SYT6: variants seen among roughly 807,000 people sequenced by gnomAD.
SYT6 encodes synaptotagmin-6.
In SYT6, 24 loss-of-function variants were observed where a neutral mutation model predicts 38.4. The ratio of observed to expected loss-of-function variants is 0.62; its 90% CI spans 0.45 to 0.88. The LOEUF is 0.88. Among genes scored for constraint, SYT6 ranks in the 40% least tolerant of loss-of-function variants. SYT6 has a pLI of 0.00. For missense variants in SYT6, 611 were observed against 621.0 expected (o/e 0.98, Z 0.17); for synonymous variants, 265 against 241.9 (o/e 1.10, Z -0.89).
At chr1:114,126,539 A>G (rs1407467116) in intron 3 of SYT6, among the ~76,000 whole-genome samples, 2 of 152,150 alleles carry the variant, frequency 1.3e-5, no homozygotes, top group Admixed American at 1.3e-4. Context: ...CCAGGAGAAA[A>G]TGTCACTGTG....
intron 1 of SYT6, among the ~76,000 whole-genome samples, chr1:114,141,478 G>A (rs1217341374): frequency 6.6e-6 from 1 of 152,208 alleles, no homozygotes; most frequent in South Asian, 2.1e-4. Context: ...AGAAACGTTT[G>A]AATCTAGCAG....
intron 3 of SYT6, among the ~76,000 whole-genome samples, chr1:114,106,504 T>G (rs1241259778): frequency 6.6e-6 from 1 of 152,140 alleles, no homozygotes; most frequent in Non-Finnish European, 1.5e-5. Context: ...TTCCCCTTGT[T>G]TGGCTTCTGG....
At chr1:114,143,557 C>CGTGTGTGTGTGTGT in intron 1 of SYT6, among the ~76,000 whole-genome samples, 1 of 147,102 alleles carries the variant, frequency 6.8e-6, no homozygotes, top group African/African-American at 2.5e-5. Context: ...AACTTATGTG[C>CGTGTGTGTGTGTGT]ATGTGTGTGT....
intron 3 of SYT6, among the ~76,000 whole-genome samples, chr1:114,131,071 T>G (rs914543888): frequency 3.9e-5 from 6 of 152,136 alleles, no homozygotes; most frequent in African/African-American, 1.4e-4. Flanking sequence ...CAATTTCATT[T>G]CAGGAGGCCT....
At chr1:114,102,691 G>A (rs758420355) in intron 4 of SYT6, among the ~76,000 whole-genome samples, 15 of 152,190 alleles carry the variant, frequency 9.9e-5, no homozygotes, top group Admixed American at 2.0e-4. Flanking sequence ...TTGGTAATCT[G>A]AATCATCGAG....
chr1:114,097,411 A>G (rs540813963), intron 6 of SYT6, among the ~76,000 whole-genome samples: 1 of 152,200 alleles, frequency 6.6e-6, no homozygotes, highest in Non-Finnish European at 1.5e-5. Flanking sequence ...CTCCTAAAGG[A>G]CAGACTTGGC....
chr1:114,093,783 A>G lies in SYT6; in HGVS notation c.*3T>C, dbSNP rs536482561. 23 of 1,614,142 alleles carry G rather than the reference A, an allele frequency of 1.4e-5. No homozygotes were observed. In the South Asian group the frequency reaches 2.5e-4, roughly 18 times the overall value. ...TCTGCTTGCAGCATCCACGTGAATG[A>G]AATCACAACCGAGGGTTTCCCTGGT... On this transcript the variant is annotated 3_prime_UTR_variant, in exon 7 of 8. Coordinates refer to ENST00000610222, the MANE Select transcript of SYT6 (RefSeq NM_001253772.2).
At chr1:114,131,407 T>C (rs564272225) in intron 3 of SYT6, among the ~76,000 whole-genome samples, 1 of 152,336 alleles carries the variant, frequency 6.6e-6, no homozygotes, top group East Asian at 1.9e-4. Flanking sequence ...GGCCTAAAAC[T>C]TTTCTTTTCT....
At chr1:114,131,924 C>T (rs984667204) in intron 3 of SYT6, among the ~76,000 whole-genome samples, 12 of 152,194 alleles carry the variant, frequency 7.9e-5, no homozygotes, top group Non-Finnish European at 1.2e-4. Flanking sequence ...TCTTCTGGAT[C>T]CCCTGATGAG....
At chr1:114,150,432 G>A (rs1342051207) in intron 1 of SYT6, among the ~76,000 whole-genome samples, 1 of 152,134 alleles carries the variant, frequency 6.6e-6, no homozygotes, top group African/African-American at 2.4e-5. Flanking sequence ...CTCAAAAAGG[G>A]CAAAATCTGC....
chr1:114,096,421 T>C (rs491313), intron 6 of SYT6, among the ~76,000 whole-genome samples: 29,619 of 152,184 alleles, frequency 0.19, 3,026 homozygotes, highest in African/African-American at 0.26. Flanking sequence ...CTCTTGATGC[T>C]GCCCCAAAGG....
At chr1:114,104,639 G>C (rs972048258) in intron 3 of SYT6, among the ~76,000 whole-genome samples, 1 of 151,652 alleles carries the variant, frequency 6.6e-6, no homozygotes, top group Non-Finnish European at 1.5e-5. Flanking sequence ...GAAGAGGTCA[G>C]CGTTTAGGGT....
intron 3 of SYT6, among the ~76,000 whole-genome samples, chr1:114,108,454 G>A (rs611514): frequency 0.52 from 79,353 of 151,918 alleles, 21,741 homozygotes; most frequent in African/African-American, 0.69. Context: ...TCTACCCCCA[G>A]TTAGCTGTGA....
At chr1:114,128,049 G>A (rs536151538) in intron 3 of SYT6, among the ~76,000 whole-genome samples, 5 of 152,364 alleles carry the variant, frequency 3.3e-5, no homozygotes, top group Non-Finnish European at 4.4e-5. Context: ...TGCTCAAAGA[G>A]GGCCACAGGA....
chr1:114,121,451 C>T (rs1177324687), intron 3 of SYT6, among the ~76,000 whole-genome samples: 1 of 152,192 alleles, frequency 6.6e-6, no homozygotes, highest in Non-Finnish European at 1.5e-5. Flanking sequence ...CATGGTAGTC[C>T]TCTCCCTTCA....
intron 3 of SYT6, among the ~76,000 whole-genome samples, chr1:114,132,756 G>A (rs1678228956): frequency 6.6e-6 from 1 of 152,212 alleles, no homozygotes; most frequent in Non-Finnish European, 1.5e-5. Flanking sequence ...GGCACCAGAG[G>A]AATAGGGCTC....
At position 114,097,436 on chromosome 1, in the gene SYT6, A is replaced by G. The variant is rs76286492; in HGVS notation, c.1515+291T>C. ...ACAGACTTGGCCAAGGGCTTTGTGA[A>G]AGCATTTCAGACCTGGCACAGTGGT... is the stretch of plus-strand genomic sequence containing the variant. On this transcript the variant is annotated intron_variant, in intron 6 of 7. Coordinates refer to ENST00000610222, the MANE Select transcript of SYT6 (RefSeq NM_001253772.2). Among the ~76,000 whole-genome samples, 1,024 of 152,334 alleles carry G rather than the reference A, an allele frequency of 6.7e-3. 12 individuals carry two copies. The highest frequency in any genetic ancestry group is 0.024 in the African/African-American group (989 of 41,576).
intron 1 of SYT6, among the ~76,000 whole-genome samples, chr1:114,142,527 A>C (rs1046085273): frequency 2.0e-4 from 31 of 152,220 alleles, no homozygotes; most frequent in Non-Finnish European, 1.2e-4. Context: ...AGGACTTAGA[A>C]TATTACATAA....
chr1:114,153,688 G>C lies in SYT6; in HGVS notation c.85C>G (p.Pro29Ala), dbSNP rs779498858. ...LASLCRARPP[P>A]LGLDVETCRS... Reference sequence around the variant, plus strand: ...CAAGTCTCCACGTCCAGCCCGAGAGGGGGCGGCCGGGCCCGGCACAGCGAG... The same window carrying C: ...CAAGTCTCCACGTCCAGCCCGAGAGCGGGCGGCCGGGCCCGGCACAGCGAG... Residue 29 changes from proline to alanine, a missense_variant, in exon 1 of 8, where the codon CCT (proline) becomes GCT (alanine). Coordinates refer to ENST00000610222, the MANE Select transcript of SYT6 (RefSeq NM_001253772.2). 9 of 674,504 alleles carry C rather than the reference G, an allele frequency of 1.3e-5. No homozygotes were observed. Among genetic ancestry groups the C allele is most frequent in the Non-Finnish European group, 1.6e-5 (6 of 370,174 alleles). The allele number at this position is 674,504 out of a possible 1,614,324, so 41.8% of individuals were successfully genotyped here. A position where few individuals can be genotyped will look rare whatever the true frequency, so the allele number is the denominator to read the frequency against.
Sources: gnomAD v4.1 joint callset for allele counts (sites outside exome capture counted in the v4.1 genomes callset) on GRCh38, gnomAD v4.1.1 for gene constraint, MANE v1.5 for transcripts, NCBI Gene and HGNC (gene_info 2026-07-23, HGNC 2026-07-21) for gene names.